The following CHCHD3 variants were observed in gnomAD, a reference collection of about 807,000 sequenced individuals.
The protein encoded by CHCHD3 is coiled-coil-helix-coiled-coil-helix domain containing 3, also known as MICOS complex subunit MIC19.
Under a neutral mutation model 38.2 loss-of-function variants are expected in CHCHD3, and 20 were observed. The ratio of observed to expected loss-of-function variants is 0.52; its 90% CI spans 0.37 to 0.76. CHCHD3 has a LOEUF of 0.76. Ranked by LOEUF, CHCHD3 falls within the 30% of genes least tolerant of loss-of-function variation. CHCHD3 has a pLI of 0.00. For synonymous variants in CHCHD3, 82 were observed against 100.0 expected, an observed-to-expected ratio of 0.82 and a Z score of 1.07; for missense variants, 245 against 279.2, an observed-to-expected ratio of 0.88 and a Z score of 0.87.
intron 4 of CHCHD3, among the ~76,000 whole-genome samples, chr7:132,898,530 C>T (rs2117197639): frequency 6.6e-6 from 1 of 152,364 alleles, no homozygotes; most frequent in Middle Eastern, 3.4e-3. Flanking sequence ...ACTCAGGAGC[C>T]CAGCTGGCTT....
At chr7:132,979,758 G>A (rs1811869717) in intron 3 of CHCHD3, among the ~76,000 whole-genome samples, 1 of 152,188 alleles carries the variant, frequency 6.6e-6, no homozygotes, top group Admixed American at 6.5e-5. Flanking sequence ...CTGAGGTTCA[G>A]TTTTGACCAG....
At chr7:133,028,822 T>G (rs1377769976) in intron 2 of CHCHD3, among the ~76,000 whole-genome samples, 2 of 150,274 alleles carry the variant, frequency 1.3e-5, no homozygotes, top group Non-Finnish European at 3.0e-5. Context: ...GAGGCGGAGG[T>G]TGCAGTGAGC....
At chr7:132,981,928 A>G (rs1306912473) in intron 3 of CHCHD3, among the ~76,000 whole-genome samples, 2 of 152,366 alleles carry the variant, frequency 1.3e-5, no homozygotes, top group East Asian at 1.9e-4. Flanking sequence ...CAGAAAGGCT[A>G]TTTCAAACAC....
intron 4 of CHCHD3, among the ~76,000 whole-genome samples, chr7:132,959,874 C>G (rs1343671467): frequency 2.6e-5 from 4 of 152,064 alleles, no homozygotes; most frequent in Non-Finnish European, 4.4e-5. Context: ...CTAAATACCC[C>G]CTTTCATAAA....
At chr7:133,028,451 C>G (rs990866192) in intron 2 of CHCHD3, among the ~76,000 whole-genome samples, 4 of 152,058 alleles carry the variant, frequency 2.6e-5, no homozygotes, top group African/African-American at 9.7e-5. Flanking sequence ...CCCTTCAAAA[C>G]TCACATTGAA....
chr7:132,891,698 A>ACCCAAATCTT (rs1233759305), intron 4 of CHCHD3, among the ~76,000 whole-genome samples: 1 of 152,206 alleles, frequency 6.6e-6, no homozygotes, highest in East Asian at 1.9e-4. Context: ...CTGTGTCTGC[A>ACCCAAATCTT]CCCAAATCTT....
intron 2 of CHCHD3, among the ~76,000 whole-genome samples, chr7:133,047,273 C>T (rs539823709): frequency 6.6e-6 from 1 of 152,196 alleles, no homozygotes; most frequent in Admixed American, 6.5e-5. Context: ...ATAATCCCAA[C>T]TCTACAAAAA....
At chr7:133,050,797 T>C (rs571100412) in intron 2 of CHCHD3, among the ~76,000 whole-genome samples, 8 of 152,176 alleles carry the variant, frequency 5.3e-5, no homozygotes, top group Admixed American at 1.3e-4. Flanking sequence ...GATAGACCAC[T>C]TGAGGTCAGG....
intron 2 of CHCHD3, among the ~76,000 whole-genome samples, chr7:133,050,340 T>TAAAAAAAAAAAAAAAAAAAAAAAAA (rs35635002): frequency 3.1e-5 from 1 of 31,808 alleles, no homozygotes; most frequent in Non-Finnish European, 6.3e-5. Context: ...GGCTGTGTCT[T>TAAAAAAAAAAAAAAAAAAAAAAAAA]AAAAAAAAAA....
At chr7:132,824,182 C>G (rs1807448875) in intron 6 of CHCHD3, among the ~76,000 whole-genome samples, 1 of 151,782 alleles carries the variant, frequency 6.6e-6, no homozygotes, top group South Asian at 2.1e-4. Flanking sequence ...TCTATGCACC[C>G]AATATTATAT....
chr7:132,973,757 G>A, intron 4 of CHCHD3: 3 of 1,048,756 alleles, frequency 2.9e-6, no homozygotes, highest in Non-Finnish European at 2.3e-6. Flanking sequence ...AAGTGACTAA[G>A]GTAAAGAATG....
chr7:133,059,055 C>T (rs1422146173), intron 2 of CHCHD3, among the ~76,000 whole-genome samples: 3 of 152,154 alleles, frequency 2.0e-5, no homozygotes, highest in African/African-American at 7.2e-5. Context: ...GGCTTCCAGA[C>T]ACCAAAGTCC....
chr7:132,845,793 T>C (rs914004281), intron 5 of CHCHD3, among the ~76,000 whole-genome samples: 1 of 152,224 alleles, frequency 6.6e-6, no homozygotes, highest in African/African-American at 2.4e-5. Context: ...TCCAACCACA[T>C]GTCAATCCTG....
intron 4 of CHCHD3, among the ~76,000 whole-genome samples, chr7:132,914,802 A>G (rs185835966): frequency 7.2e-5 from 11 of 152,286 alleles, no homozygotes; most frequent in Admixed American, 4.6e-4. Context: ...CCGAAACACA[A>G]CAACTTGGAA....
chr7:132,838,318 A>G, intron 6 of CHCHD3, 81 bp downstream of exon 6: 1 of 955,076 alleles, frequency 1.0e-6, no homozygotes, highest in Non-Finnish European at 1.6e-6. Context: ...ATAACAAACT[A>G]TGATCTGTGC....
chr7:132,963,931 A>G (rs192717109), intron 4 of CHCHD3, among the ~76,000 whole-genome samples: 27 of 152,362 alleles, frequency 1.8e-4, no homozygotes, highest in African/African-American at 6.5e-4. Flanking sequence ...CAATTATACA[A>G]CTACATCCCC....
At chr7:132,986,740 C>A (rs1812134797) in intron 3 of CHCHD3, among the ~76,000 whole-genome samples, 2 of 152,046 alleles carry the variant, frequency 1.3e-5, no homozygotes, top group South Asian at 4.1e-4. Flanking sequence ...ACAAAAGTGC[C>A]CTACTCTAGA....
At chr7:133,056,080 C>T (rs1814322898) in intron 2 of CHCHD3, among the ~76,000 whole-genome samples, 1 of 151,536 alleles carries the variant, frequency 6.6e-6, no homozygotes, top group Non-Finnish European at 1.5e-5. Context: ...CCCAGAAGGT[C>T]AAGGCTGCAG....
intron 4 of CHCHD3, among the ~76,000 whole-genome samples, chr7:132,958,775 C>G (rs1470651514): frequency 1.3e-5 from 2 of 152,214 alleles, no homozygotes; most frequent in African/African-American, 2.4e-5. Context: ...AAGTGTCTTA[C>G]TATAATCTGT....
Sources: gnomAD v4.1 joint callset for allele counts (sites outside exome capture counted in the v4.1 genomes callset) on GRCh38, gnomAD v4.1.1 for gene constraint, MANE v1.5 for transcripts, NCBI Gene and HGNC (gene_info 2026-07-23, HGNC 2026-07-21) for gene names.